RHOJ: variants seen among roughly 807,000 people sequenced by gnomAD.
RHOJ encodes ras homolog family member J.
A neutral mutation model predicts 23.4 loss-of-function variants in RHOJ; 11 were observed. That is an observed-to-expected ratio of 0.47 (90% CI 0.30 to 0.78). RHOJ has a LOEUF of 0.78. RHOJ is among the 30% of genes least tolerant of loss of function. The pLI, the probability that RHOJ is intolerant of heterozygous loss-of-function variation, is 0.08. For missense variants in RHOJ, 254 were observed against 273.4 expected (o/e 0.93, Z 0.50); for synonymous variants, 102 against 102.7 (o/e 0.99, Z 0.04).
At chr14:63,217,537 A>G (rs1187673563) in intron 1 of RHOJ, among the ~76,000 whole-genome samples, 1 of 151,916 alleles carries the variant, frequency 6.6e-6, no homozygotes, top group African/African-American at 2.4e-5. Context: ...ACAAAAATCA[A>G]TTCAAGATGG....
intron 1 of RHOJ, among the ~76,000 whole-genome samples, chr14:63,242,865 T>A (rs930051017): frequency 4.6e-5 from 7 of 152,212 alleles, no homozygotes; most frequent in Non-Finnish European, 7.3e-5. Flanking sequence ...CCACAATTTT[T>A]TGCTATGTGC....
Position 63,291,864 on chromosome 14 carries a change from TC to T in RHOJ, c.*841del, listed in dbSNP as rs1192136257. The T allele has an allele frequency of 1.3e-5, 2 of 152,668 alleles. No homozygotes were observed. The highest frequency in any genetic ancestry group is 4.8e-5 in the African/African-American group (2 of 41,462). 9.5% of individuals were successfully genotyped at this position (152,668 alleles called of 1,614,324 possible). A position where few individuals can be genotyped will look rare whatever the true frequency, so the allele number is the denominator to read the frequency against. The stretch of plus-strand genomic sequence containing the variant: ...TTTAAGAATGTAGTATTTCTGTTTT[TC>T]ATCCAAGTTGATTGGGGGAAGAATA... On this transcript the variant is annotated 3_prime_UTR_variant, in exon 5 of 5. Transcript: ENST00000316754.
At chr14:63,270,743 T>G (rs1191384791) in intron 2 of RHOJ, among the ~76,000 whole-genome samples, 1 of 152,222 alleles carries the variant, frequency 6.6e-6, no homozygotes, top group Non-Finnish European at 1.5e-5. Context: ...TTTACTAATA[T>G]AATCCTGTTT....
chr14:63,289,797 A>T (rs1474657388), intron 4 of RHOJ, among the ~76,000 whole-genome samples: 1 of 152,234 alleles, frequency 6.6e-6, no homozygotes, highest in Admixed American at 6.5e-5. Context: ...CTATGCAAGT[A>T]TGAAATACCT....
intron 1 of RHOJ, among the ~76,000 whole-genome samples, chr14:63,263,264 A>G (rs1895304368): frequency 6.6e-6 from 1 of 152,190 alleles, no homozygotes; most frequent in Admixed American, 6.5e-5. Flanking sequence ...GAACCTCACT[A>G]TGTTTACCAT....
At chr14:63,247,732 C>T (rs778487065) in intron 1 of RHOJ, among the ~76,000 whole-genome samples, 8 of 152,142 alleles carry the variant, frequency 5.3e-5, no homozygotes, top group Admixed American at 2.0e-4. Context: ...ATAAATTCCT[C>T]ATATAATGTA....
chr14:63,224,393 G>T (rs879672048), intron 1 of RHOJ, among the ~76,000 whole-genome samples: 2 of 152,168 alleles, frequency 1.3e-5, no homozygotes, highest in Non-Finnish European at 2.9e-5. Flanking sequence ...GCACGGTCTT[G>T]TTCCTTTTAT....
intron 1 of RHOJ, among the ~76,000 whole-genome samples, chr14:63,208,286 G>A (rs1594747651): frequency 6.6e-6 from 1 of 152,240 alleles, no homozygotes; most frequent in Non-Finnish European, 1.5e-5. Context: ...AAATCCAAAA[G>A]CACATCTGCT....
intron 1 of RHOJ, among the ~76,000 whole-genome samples, chr14:63,225,772 T>C (rs980767714): frequency 2.0e-5 from 3 of 152,138 alleles, no homozygotes; most frequent in African/African-American, 7.2e-5. Context: ...CATAAAAATA[T>C]ACTTTTTTTT....
At chr14:63,215,882 A>G (rs1286800273) in intron 1 of RHOJ, among the ~76,000 whole-genome samples, 2 of 152,194 alleles carry the variant, frequency 1.3e-5, no homozygotes, top group Admixed American at 1.3e-4. Context: ...CCTACAACAT[A>G]ATAGCCACCC....
At chr14:63,282,918 G>A (rs143249489) in intron 3 of RHOJ, among the ~76,000 whole-genome samples, 15 of 152,240 alleles carry the variant, frequency 9.9e-5, no homozygotes, top group South Asian at 4.1e-4. Flanking sequence ...AGGGGAAAAC[G>A]TAAGGAAAGT....
chr14:63,249,891 T>C (rs1437369925), intron 1 of RHOJ, among the ~76,000 whole-genome samples: 1 of 152,214 alleles, frequency 6.6e-6, no homozygotes, highest in African/African-American at 2.4e-5. Context: ...AGAACCACGT[T>C]AGAGACAAAG....
intron 1 of RHOJ, among the ~76,000 whole-genome samples, chr14:63,246,767 G>C (rs1894982641): frequency 6.6e-6 from 1 of 152,100 alleles, no homozygotes; most frequent in Admixed American, 6.6e-5. Flanking sequence ...TTTATAAGAA[G>C]TCAGCTTTAC....
At chr14:63,242,363 C>A (rs775616578) in intron 1 of RHOJ, among the ~76,000 whole-genome samples, 2 of 152,120 alleles carry the variant, frequency 1.3e-5, no homozygotes, top group Non-Finnish European at 2.9e-5. Context: ...AGTTTGAGAA[C>A]ACCCTGGGCA....
intron 4 of RHOJ, among the ~76,000 whole-genome samples, chr14:63,285,305 C>A (rs894904182): frequency 6.6e-6 from 1 of 152,148 alleles, no homozygotes; most frequent in Admixed American, 6.5e-5. Flanking sequence ...GAAAACTGTG[C>A]TTTAACCACC....
chr14:63,212,453 T>C (rs1471862639), intron 1 of RHOJ, among the ~76,000 whole-genome samples: 5 of 152,218 alleles, frequency 3.3e-5, no homozygotes, highest in Admixed American at 2.6e-4. Context: ...ACTGCAACTG[T>C]GTCAAAGACC....
chr14:63,255,549 AC>A (rs1895147416), intron 1 of RHOJ, among the ~76,000 whole-genome samples: 1 of 151,568 alleles, frequency 6.6e-6, no homozygotes, highest in South Asian at 2.1e-4. Flanking sequence ...AAGAACCACC[AC>A]CACCACCCAG....
At chr14:63,279,407 G>A (rs1881828548) in intron 2 of RHOJ, among the ~76,000 whole-genome samples, 1 of 152,204 alleles carries the variant, frequency 6.6e-6, no homozygotes, top group Non-Finnish European at 1.5e-5. Context: ...AATATGGTAT[G>A]TGTATGCACG....
At chr14:63,285,366 G>T (rs1882046299) in intron 4 of RHOJ, among the ~76,000 whole-genome samples, 1 of 152,130 alleles carries the variant, frequency 6.6e-6, no homozygotes, top group South Asian at 2.1e-4. Flanking sequence ...TAGGTTTGGG[G>T]CTTCTTTTTT....
Sources: gnomAD v4.1 joint callset for allele counts (sites outside exome capture counted in the v4.1 genomes callset) on GRCh38, gnomAD v4.1.1 for gene constraint, MANE v1.5 for transcripts, NCBI Gene and HGNC (gene_info 2026-07-23, HGNC 2026-07-21) for gene names.